Variants in TCF20 observed in about 807,000 individuals in gnomAD.
The protein encoded by TCF20 is transcription factor 20, also known as SPRE-binding protein.
Under a neutral mutation model 148.6 loss-of-function variants are expected in TCF20, and 3 were observed. The observed-to-expected ratio is 0.02, with a 90% CI of 0.01 to 0.05. The LOEUF (loss-of-function observed/expected upper bound fraction) is 0.05, where lower values mean the gene tolerates loss of function less well. TCF20 is among the 10% of genes least tolerant of loss of function. The pLI, the probability that TCF20 is intolerant of heterozygous loss-of-function variation, is 1.00. For missense variants in TCF20, 2,350 were observed against 2,429.3 expected (o/e 0.97, Z 0.69); for synonymous variants, 1,049 against 909.5 (o/e 1.15, Z -2.76).
chr22:42,204,905 T>TAA (rs68144263), intron 2 of TCF20, among the ~76,000 whole-genome samples: 10 of 146,548 alleles, frequency 6.8e-5, no homozygotes, highest in South Asian at 2.2e-4. Flanking sequence ...TACTGTCAGG[T>TAA]AAAAAAAAAA....
chr22:42,182,627 G>A (rs1243677309), intron 2 of TCF20, among the ~76,000 whole-genome samples: 2 of 152,184 alleles, frequency 1.3e-5, no homozygotes, highest in South Asian at 4.1e-4. Flanking sequence ...GCTGTATTAG[G>A]GACTTAGAGA....
intron 1 of TCF20, among the ~76,000 whole-genome samples, chr22:42,249,160 T>C (rs141417852): frequency 1.1e-3 from 171 of 152,336 alleles, no homozygotes; most frequent in African/African-American, 4.0e-3. Flanking sequence ...ACTTAACCAG[T>C]GGCCCCCTGA....
At chr22:42,262,493 T>TA (rs1926082943) in intron 1 of TCF20, among the ~76,000 whole-genome samples, 1 of 152,004 alleles carries the variant, frequency 6.6e-6, no homozygotes, top group Non-Finnish European at 1.5e-5. Context: ...GTTTTGGACT[T>TA]AAGCTCACAA....
chr22:42,316,165 T>C (rs1213710425), intron 1 of TCF20, among the ~76,000 whole-genome samples: 1 of 151,030 alleles, frequency 6.6e-6, no homozygotes, highest in Non-Finnish European at 1.5e-5. Context: ...AAGGCAGGAT[T>C]TGGACTTTAT....
chr22:42,275,443 C>T (rs987183110), upstream of TCF20, among the ~76,000 whole-genome samples: 1 of 152,240 alleles, frequency 6.6e-6, no homozygotes, highest in African/African-American at 2.4e-5. Flanking sequence ...TCACCCCCAC[C>T]TGCCCGGCAC....
At chr22:42,170,544 CT>C (rs1936063332) in intron 3 of TCF20, among the ~76,000 whole-genome samples, 1 of 138,152 alleles carries the variant, frequency 7.2e-6, no homozygotes, top group Admixed American at 7.9e-5. Context: ...AGGAGAATCA[CT>C]TGAACCAGAG....
intron 1 of TCF20, among the ~76,000 whole-genome samples, chr22:42,280,311 G>A (rs149937137): frequency 1.5e-4 from 23 of 152,154 alleles, no homozygotes; most frequent in Admixed American, 8.5e-4. Flanking sequence ...AAGGCCCCAC[G>A]GTGTGTAGGT....
intron 5 of TCF20, among the ~76,000 whole-genome samples, chr22:42,166,337 G>A (rs1462806429): frequency 6.6e-6 from 1 of 152,212 alleles, no homozygotes; most frequent in Admixed American, 6.5e-5. Flanking sequence ...GCCGGGCGCC[G>A]TGGCTCACGC....
intron 1 of TCF20, among the ~76,000 whole-genome samples, chr22:42,306,601 A>G (rs1377805336): frequency 6.6e-6 from 1 of 152,212 alleles, no homozygotes; most frequent in Non-Finnish European, 1.5e-5. Context: ...AGAATTAGGG[A>G]AACAGCACTA....
chr22:42,191,580 C>T (rs1365211805), intron 2 of TCF20, among the ~76,000 whole-genome samples: 1 of 152,204 alleles, frequency 6.6e-6, no homozygotes, highest in East Asian at 1.9e-4. Context: ...TGAGCCACTG[C>T]ACCCAGCCTG....
intron 4 of TCF20, 127 bp downstream of exon 4, chr22:42,169,720 C>T: frequency 1.1e-6 from 1 of 930,942 alleles, no homozygotes; most frequent in Non-Finnish European, 1.6e-6. Flanking sequence ...CAGGAGGGGA[C>T]TAACAGCCGG....
intron 1 of TCF20, among the ~76,000 whole-genome samples, chr22:42,339,483 C>G (rs1004965454): frequency 6.6e-6 from 1 of 152,232 alleles, no homozygotes; most frequent in African/African-American, 2.4e-5. Flanking sequence ...CTAAACCCAG[C>G]ATTCTCTGGG....
At chr22:42,300,764 C>T (rs1390832015) in intron 1 of TCF20, among the ~76,000 whole-genome samples, 1 of 152,136 alleles carries the variant, frequency 6.6e-6, no homozygotes, top group East Asian at 1.9e-4. Flanking sequence ...ATGACTAACC[C>T]AGGCCTGCCT....
chr22:42,327,557 A>T (rs773117233), intron 1 of TCF20, among the ~76,000 whole-genome samples: 2 of 152,084 alleles, frequency 1.3e-5, no homozygotes, highest in Non-Finnish European at 2.9e-5. Context: ...CCTCGCACAG[A>T]CACTTCACAC....
chr22:42,170,550 C>A (rs1936063501), intron 3 of TCF20, among the ~76,000 whole-genome samples: 1 of 139,296 alleles, frequency 7.2e-6, no homozygotes, highest in African/African-American at 2.7e-5. Context: ...ATCACTTGAA[C>A]CAGAGAGTCG....
chr22:42,188,981 G>C (rs917082569), intron 2 of TCF20, among the ~76,000 whole-genome samples: 6 of 152,292 alleles, frequency 3.9e-5, no homozygotes, highest in Middle Eastern at 3.4e-3. Context: ...AGCTTGACCT[G>C]AGTCATAAAG....
intron 1 of TCF20, among the ~76,000 whole-genome samples, chr22:42,302,808 C>T (rs920817599): frequency 3.3e-5 from 5 of 152,360 alleles, no homozygotes; most frequent in African/African-American, 1.2e-4. Flanking sequence ...CAAATGTGTG[C>T]CCCACGCCTG....
intron 2 of TCF20, among the ~76,000 whole-genome samples, 164 bp downstream of exon 2, chr22:42,209,487 T>C (rs145428118): frequency 3.3e-5 from 5 of 152,236 alleles, no homozygotes; most frequent in Non-Finnish European, 7.3e-5. Flanking sequence ...TTTAGAAGTC[T>C]ATACAAATCT....
intron 3 of TCF20, among the ~76,000 whole-genome samples, chr22:42,179,375 G>GA (rs537303519): frequency 0.014 from 2,083 of 146,804 alleles, 44 homozygotes; most frequent in African/African-American, 0.048. Flanking sequence ...AGCTTAAAGG[G>GA]AAAAAAAAAT....
Sources: allele counts gnomAD v4.1 joint callset (sites outside exome capture counted in the v4.1 genomes callset), GRCh38; gene constraint gnomAD v4.1.1; transcripts MANE v1.5; gene names NCBI Gene and HGNC (gene_info 2026-07-23, HGNC 2026-07-21).